LATS2: variants seen among roughly 807,000 people sequenced by gnomAD.
LATS2 encodes large tumor suppressor kinase 2, also known as serine/threonine-protein kinase LATS2.
In LATS2, 24 loss-of-function variants were observed where a neutral mutation model predicts 76.0. The observed-to-expected ratio is 0.32, with a 90% CI of 0.23 to 0.44. The LOEUF is 0.44. LATS2 is among the 20% of genes least tolerant of loss of function. The probability of loss-of-function intolerance (pLI) is 1.00; values close to 1 mark genes in which losing one functional copy is unlikely to be tolerated. For missense variants in LATS2, 1,286 were observed against 1,481.2 expected (o/e 0.87, Z 2.16); for synonymous variants, 692 against 635.4 (o/e 1.09, Z -1.34).
rs779525816 is a variant in LATS2 at position 20,988,861 on chromosome 13, G to T, written c.919C>A (p.Pro307Thr). 3 of 1,585,210 alleles carry T rather than the reference G, an allele frequency of 1.9e-6. No individual in the cohort carries two copies. Among genetic ancestry groups the T allele is most frequent in the South Asian group, 1.1e-5 (1 of 89,296 alleles). ...PPGAGLAFPP[P>T]AAGLYVPHPH... is the part of the protein sequence containing the mutation. ...TGCGGCACGTAGAGCCCGGCGGCAG[G>T]GGGTGGGAAAGCGAGGCCGGCGCCT... is the stretch of plus-strand genomic sequence containing the variant. The change falls in exon 4 of 8, where the codon CCT (proline) becomes ACT (threonine). Residue 307 changes from proline to threonine, a missense_variant. This residue lies in a region of LATS2 where 710 missense variants were observed against 660.9 expected (regional missense o/e 1.07). Transcript: ENST00000382592.
At chr13:20,981,385 G>T (rs1483855901) in intron 6 of LATS2, 81 bp downstream of exon 6, 64 of 1,337,858 alleles carry the variant, frequency 4.8e-5, no homozygotes, top group Non-Finnish European at 6.2e-6. Flanking sequence ...TAGGTCCTTG[G>T]AAAGCTAGAG....
At chr13:21,037,378 G>A (rs1872716511) in intron 2 of LATS2, among the ~76,000 whole-genome samples, 1 of 152,118 alleles carries the variant, frequency 6.6e-6, no homozygotes, top group African/African-American at 2.4e-5. Context: ...ATTCCAGCCT[G>A]GGCAACACAG....
At chr13:20,979,105 C>T (rs867372422) in intron 7 of LATS2, among the ~76,000 whole-genome samples, 10 of 152,150 alleles carry the variant, frequency 6.6e-5, no homozygotes, top group African/African-American at 1.9e-4. Context: ...TGAGCCACTG[C>T]GCCTGGCCAG....
At chr13:21,002,000 G>A (rs1045042203) in intron 2 of LATS2, among the ~76,000 whole-genome samples, 17 of 151,506 alleles carry the variant, frequency 1.1e-4, no homozygotes, top group East Asian at 5.9e-4. Context: ...TGCAAGCTCC[G>A]CCTCCTGGGT....
intron 2 of LATS2, among the ~76,000 whole-genome samples, chr13:20,995,318 G>C (rs1870705041): frequency 6.6e-6 from 1 of 152,156 alleles, no homozygotes; most frequent in Non-Finnish European, 1.5e-5. Flanking sequence ...AATGTAATGA[G>C]TTCTTTTCCC....
chr13:20,989,826 T>G (rs899630820), intron 3 of LATS2, among the ~76,000 whole-genome samples: 2 of 152,236 alleles, frequency 1.3e-5, no homozygotes, highest in Non-Finnish European at 2.9e-5. Flanking sequence ...TAGTTTTTTT[T>G]GTCTATATTA....
chr13:21,020,682 T>C (rs1379080300), intron 2 of LATS2, among the ~76,000 whole-genome samples: 1 of 152,198 alleles, frequency 6.6e-6, no homozygotes, highest in African/African-American at 2.4e-5. Context: ...TCTCTCCATG[T>C]AGGGACACTG....
At chr13:21,052,983 T>A (rs1301488188) in intron 1 of LATS2, among the ~76,000 whole-genome samples, 1 of 152,006 alleles carries the variant, frequency 6.6e-6, no homozygotes, top group Admixed American at 6.6e-5. Context: ...ACGCCTGTAA[T>A]CCCAGCACTT....
rs1873007550 is a variant in LATS2 at position 21,044,841 on chromosome 13, T to C, written c.342+844A>G. On this transcript the variant is annotated intron_variant, in intron 2 of 7. Coordinates refer to ENST00000382592, the MANE Select transcript of LATS2 (RefSeq NM_014572.3). ...ACTCCTAGGCTCAAGCGATCCCTCC[T>C]GCCTCAGCATCCCATGTAGTTGGGA... Among the ~76,000 whole-genome samples the C allele has an allele frequency of 2.1e-5, 3 of 145,186 alleles. No homozygotes were observed. The South Asian group carries it at 6.9e-4, about 33-fold the overall frequency.
rs1435996413 is a variant in LATS2 at position 20,975,457 on chromosome 13, A to G, written c.2773-93T>C. 10 of 1,318,450 alleles carry G rather than the reference A, an allele frequency of 7.6e-6. No individual in the cohort carries two copies. In the East Asian group the frequency reaches 1.6e-4, roughly 22 times the overall value. The allele number at this position is 1,318,450 out of a possible 1,614,324, so 81.7% of individuals were successfully genotyped here. On this transcript the variant is annotated intron_variant, in intron 7 of 7. Coordinates refer to ENST00000382592, the MANE Select transcript of LATS2 (RefSeq NM_014572.3). ...GATGACGTGACTTTCAAATATGTTT[A>G]GTTTCACAATAGGAGAGGAGTTAGA...
intron 2 of LATS2, among the ~76,000 whole-genome samples, chr13:21,041,461 A>G (rs1565963418): frequency 6.6e-6 from 1 of 152,104 alleles, no homozygotes; most frequent in Non-Finnish European, 1.5e-5. Flanking sequence ...ACCTCATTCC[A>G]TTAAAGTTTT....
intron 1 of LATS2, among the ~76,000 whole-genome samples, chr13:21,052,864 C>T (rs542048565): frequency 5.9e-5 from 9 of 152,178 alleles, no homozygotes; most frequent in African/African-American, 2.2e-4. Context: ...TCTGGGTTGA[C>T]TCTGTGATCC....
chr13:20,983,804 A>T lies in LATS2; in HGVS notation c.1902T>A (p.Ala634=), dbSNP rs747694955. 6.2e-7 allele frequency: 1 copy of T among 1,608,116 alleles called. No individual in the cohort carries two copies. The highest frequency in any genetic ancestry group is 2.2e-5 in the East Asian group (1 of 44,848). ...GCTCCTGCTCAGCTTCACAGAGTCCAGCCTGTGTAGAAGGAAAAGGAAGGA... is the reference window on the plus strand; with the variant it reads ...GCTCCTGCTCAGCTTCACAGAGTCCTGCCTGTGTAGAAGGAAAAGGAAGGA... ...RLQLEQEMAK[A]GLCEAEQEQM... Residue 634 remains alanine (A), a splice_region_variant and synonymous_variant, in exon 5 of 8, where the codon GCT becomes GCA. Coordinates refer to ENST00000382592, the MANE Select transcript of LATS2 (RefSeq NM_014572.3).
Position 20,988,760 on chromosome 13 carries a change from G to A in LATS2, c.1020C>T (p.Ser340=), listed in dbSNP as rs1212506579. The change falls in exon 4 of 8, where the codon AGC becomes AGT. Residue 340 remains serine, a synonymous_variant. Transcript: ENST00000382592. ...VLGSRSQVFA[S]DSPPQSLLTP... ...TGAGCAGGCTCTGCGGGGGGCTGTC[G>A]CTGGCGAACACCTGGCTGCGGGAGC... is the stretch of plus-strand genomic sequence containing the variant. 6.3e-7 allele frequency: 1 copy of A among 1,580,686 alleles called. No homozygotes were observed. The highest frequency in any genetic ancestry group is 1.1e-5 in the South Asian group (1 of 87,906).
chr13:20,990,720 G>A (rs574250893), intron 3 of LATS2, among the ~76,000 whole-genome samples: 1 of 152,200 alleles, frequency 6.6e-6, no homozygotes, highest in African/African-American at 2.4e-5. Flanking sequence ...TCCATCTTGG[G>A]AAAGTAACAT....
At chr13:21,007,681 TA>T (rs1565952201) in intron 2 of LATS2, among the ~76,000 whole-genome samples, 2 of 1,596 alleles carry the variant, frequency 1.3e-3, no homozygotes, top group South Asian at 0.038. Context: ...TATATATATA[TA>T]GTATATATAT....
chr13:21,030,603 A>G (rs911502869), intron 2 of LATS2, among the ~76,000 whole-genome samples: 1 of 70,672 alleles, frequency 1.4e-5, no homozygotes, highest in Admixed American at 1.5e-4. Context: ...AAAAAAAAAA[A>G]AAAAAAAAGA....
intron 2 of LATS2, among the ~76,000 whole-genome samples, chr13:21,023,706 G>A: frequency 7.1e-6 from 1 of 140,774 alleles, no homozygotes; most frequent in Admixed American, 7.4e-5. Flanking sequence ...GGGCGCAGTG[G>A]CTGACGCCTG....
intron 2 of LATS2, among the ~76,000 whole-genome samples, chr13:20,995,435 C>T (rs1339128930): frequency 6.6e-6 from 1 of 152,190 alleles, no homozygotes; most frequent in African/African-American, 2.4e-5. Context: ...AGCAGCCCTG[C>T]CCCAAAGCAA....
Sources: gnomAD v4.1 joint callset for allele counts (sites outside exome capture counted in the v4.1 genomes callset) on GRCh38, gnomAD v4.1.1 for gene constraint, gnomAD v4.1.1 regional missense constraint, MANE v1.5 for transcripts, NCBI Gene and HGNC (gene_info 2026-07-23, HGNC 2026-07-21) for gene names.